Variants in SPAG16 observed in about 807,000 individuals in gnomAD.
SPAG16 encodes sperm-associated antigen 16 protein.
In SPAG16, 86 loss-of-function variants were observed where a neutral mutation model predicts 80.4. The observed-to-expected ratio is 1.07, with a 90% CI of 0.90 to 1.28. The LOEUF is 1.28. Among genes scored for constraint, SPAG16 ranks in the 50% most tolerant of loss-of-function variants. SPAG16 has a pLI of 0.00. For synonymous variants in SPAG16, 294 were observed against 265.9 expected (o/e 1.11, Z -1.03); for missense variants, 870 against 765.3 (o/e 1.14, Z -1.61).
rs532510841 is a variant in SPAG16, at chr2:214,203,054, A to G, written c.1720+53788A>G. On this transcript the variant is annotated intron_variant, in intron 15 of 15. Coordinates refer to ENST00000331683, the MANE Select transcript of SPAG16 (RefSeq NM_024532.5). The stretch of plus-strand genomic sequence containing the variant: ...AACAGGTTTTAAATTCTGGAAACCT[A>G]AATTATTCTCTTTTATGTTGTCAGC... Among the ~76,000 whole-genome samples, 20 of 152,328 alleles carry G rather than the reference A, an allele frequency of 1.3e-4. No homozygotes were observed. The South Asian group carries it at 4.1e-3, about 32-fold the overall frequency.
intron 10 of SPAG16, among the ~76,000 whole-genome samples, chr2:213,560,320 A>G (rs1332671249): frequency 6.6e-6 from 1 of 152,122 alleles, no homozygotes; most frequent in Non-Finnish European, 1.5e-5. Flanking sequence ...GAAAGTTTGT[A>G]ACTCCTTGAA....
At chr2:213,981,557 G>T (rs985754586) in intron 12 of SPAG16, among the ~76,000 whole-genome samples, 3 of 152,040 alleles carry the variant, frequency 2.0e-5, no homozygotes, top group Admixed American at 2.0e-4. Flanking sequence ...GTTTTTAAAG[G>T]AAAACAAAAT....
intron 10 of SPAG16, among the ~76,000 whole-genome samples, chr2:213,556,312 C>CAAAAAAAAA: frequency 8.9e-6 from 1 of 112,826 alleles, no homozygotes; most frequent in Non-Finnish European, 1.8e-5. Flanking sequence ...AAAAAAAAAC[C>CAAAAAAAAA]AAAAAAAAAA....
chr2:213,824,073 T>C (rs2073120846), intron 10 of SPAG16, among the ~76,000 whole-genome samples: 1 of 152,244 alleles, frequency 6.6e-6, no homozygotes, highest in South Asian at 2.1e-4. Flanking sequence ...TTAATCCATC[T>C]TGAGTTAATT....
chr2:214,178,280 C>T (rs1576428906), intron 15 of SPAG16, among the ~76,000 whole-genome samples: 1 of 150,348 alleles, frequency 6.7e-6, no homozygotes, highest in South Asian at 2.1e-4. Context: ...TATAATAAAC[C>T]AATCTAGGAA....
intron 10 of SPAG16, among the ~76,000 whole-genome samples, chr2:213,784,800 AT>A (rs1000810408): frequency 1.3e-4 from 20 of 148,946 alleles, no homozygotes; most frequent in East Asian, 5.9e-4. Flanking sequence ...CAAGTTTATT[AT>A]TTTTTTTTTG....
At chr2:214,395,676 C>T (rs959121679) in intron 15 of SPAG16, among the ~76,000 whole-genome samples, 2 of 152,024 alleles carry the variant, frequency 1.3e-5, no homozygotes, top group Non-Finnish European at 2.9e-5. Context: ...CCTCTTCCTC[C>T]TCCCACCCTC....
chr2:213,429,803 A>T (rs959597512), intron 9 of SPAG16, among the ~76,000 whole-genome samples: 2 of 152,232 alleles, frequency 1.3e-5, no homozygotes, highest in African/African-American at 4.8e-5. Flanking sequence ...TCTACTCAGT[A>T]TACATCATAG....
chr2:214,245,749 C>T (rs1316563629), intron 15 of SPAG16, among the ~76,000 whole-genome samples: 1 of 152,070 alleles, frequency 6.6e-6, no homozygotes, highest in Admixed American at 6.6e-5. Context: ...ATTTTCAGTT[C>T]TTCAAATTAG....
chr2:213,775,520 T>C (rs1217761830), intron 10 of SPAG16, among the ~76,000 whole-genome samples: 1 of 152,216 alleles, frequency 6.6e-6, no homozygotes, highest in Admixed American at 6.5e-5. Flanking sequence ...AGTTTCCAAG[T>C]ACACAGTACA....
At chr2:213,554,362 A>T (rs1274845660) in intron 10 of SPAG16, among the ~76,000 whole-genome samples, 1 of 152,182 alleles carries the variant, frequency 6.6e-6, no homozygotes, top group African/African-American at 2.4e-5. Flanking sequence ...CCTTGCAACA[A>T]CCCTAGACAA....
rs939051643 is a variant in SPAG16, at chr2:213,344,374, G to C, written c.644+4104G>C. Among the ~76,000 whole-genome samples the C allele has an allele frequency of 8.6e-5, 13 of 151,930 alleles. 1 individual carries two copies. In the East Asian group the frequency reaches 2.5e-3, roughly 29 times the overall value. ...AGAAGTGAATCAACCTTATTCACTG[G>C]AGTTTTTTTCTTTTTTTTTTGTATT... On this transcript the variant is annotated intron_variant, in intron 6 of 15. Coordinates refer to ENST00000331683, the MANE Select transcript of SPAG16 (RefSeq NM_024532.5).
intron 10 of SPAG16, among the ~76,000 whole-genome samples, chr2:213,748,400 A>G (rs961055307): frequency 1.1e-4 from 17 of 152,122 alleles, no homozygotes; most frequent in South Asian, 2.1e-4. Flanking sequence ...AAAAGATATA[A>G]GTAAATTTGC....
chr2:213,669,130 A>G (rs1297368883), intron 10 of SPAG16, among the ~76,000 whole-genome samples: 2 of 152,198 alleles, frequency 1.3e-5, no homozygotes, highest in African/African-American at 4.8e-5. Flanking sequence ...TTGTTTGGAT[A>G]GGGATTTGTT....
At chr2:213,310,411 C>T (rs2126116089) in intron 4 of SPAG16, among the ~76,000 whole-genome samples, 1 of 150,592 alleles carries the variant, frequency 6.6e-6, no homozygotes, top group African/African-American at 2.4e-5. Context: ...TTTTATTAAA[C>T]ATCTTTCCCA....
At chr2:213,979,820 A>G (rs949577863) in intron 12 of SPAG16, among the ~76,000 whole-genome samples, 1 of 152,072 alleles carries the variant, frequency 6.6e-6, no homozygotes, top group African/African-American at 2.4e-5. Context: ...GAGATCTGCT[A>G]TGTATAGTAC....
chr2:213,323,049 A>G (rs1342860206), intron 5 of SPAG16, among the ~76,000 whole-genome samples: 1 of 147,916 alleles, frequency 6.8e-6, no homozygotes, highest in Non-Finnish European at 1.5e-5. Context: ...AGGCTTCTGC[A>G]TGGAAAAATG....
At chr2:214,278,519 T>G (rs1321664408) in intron 15 of SPAG16, among the ~76,000 whole-genome samples, 1 of 152,196 alleles carries the variant, frequency 6.6e-6, no homozygotes, top group African/African-American at 2.4e-5. Context: ...AGGAACTGTA[T>G]CATACAGTGG....
intron 10 of SPAG16, among the ~76,000 whole-genome samples, chr2:213,688,448 A>C (rs749703992): frequency 1.3e-5 from 2 of 152,234 alleles, no homozygotes; most frequent in Non-Finnish European, 2.9e-5. Context: ...AAAATGTGGC[A>C]AAGAAACATG....
Sources: gnomAD v4.1 joint callset for allele counts (sites outside exome capture counted in the v4.1 genomes callset) on GRCh38, gnomAD v4.1.1 for gene constraint, MANE v1.5 for transcripts, NCBI Gene and HGNC (gene_info 2026-07-23, HGNC 2026-07-21) for gene names.